RGL1: variants seen among roughly 807,000 people sequenced by gnomAD.
RGL1 encodes ral guanine nucleotide dissociation stimulator-like 1.
RGL1 carries 24 observed loss-of-function variants against 95.2 expected under a neutral mutation model. The ratio of observed to expected loss-of-function variants is 0.25; its 90% CI spans 0.18 to 0.35. RGL1 has a LOEUF of 0.35. RGL1 is among the 10% of genes least tolerant of loss of function. The pLI, the probability that RGL1 is intolerant of heterozygous loss-of-function variation, is 1.00. For synonymous variants in RGL1, 329 were observed against 344.9 expected, an observed-to-expected ratio of 0.95 and a Z score of 0.51; for missense variants, 715 against 936.3, an observed-to-expected ratio of 0.76 and a Z score of 3.08.
chr1:183,777,054 AC>A (rs1460960675), intron 2 of RGL1, among the ~76,000 whole-genome samples: 20 of 152,304 alleles, frequency 1.3e-4, no homozygotes, highest in Non-Finnish European at 5.9e-5. Flanking sequence ...CAACCTAAGG[AC>A]TTTTATAGAT....
In RGL1 at chr1:183,679,477, A is replaced by G. The variant is rs188632696; in HGVS notation, c.-33+42976A>G. On this transcript the variant is annotated intron_variant, in intron 1 of 18. Transcript: ENST00000304685. ...GTTCAACTGTCACTTATGAGTGAGA[A>G]CATGCGGCGTTCAGTTTTCTGTTCC... Among the ~76,000 whole-genome samples the G allele has an allele frequency of 1.3e-3, 193 of 150,012 alleles. 2 individuals carry two copies. In the East Asian group the frequency reaches 0.03, roughly 24 times the overall value.
At chr1:183,722,641 G>A (rs1926826) in intron 1 of RGL1, among the ~76,000 whole-genome samples, 150,899 of 152,330 alleles carry the variant, frequency 0.99, 74,759 homozygotes, top group East Asian at 1. Context: ...CAGAGTTTTC[G>A]GAAACTATGC....
chr1:183,843,269 A>G (rs949680281), intron 2 of RGL1, among the ~76,000 whole-genome samples: 5 of 152,234 alleles, frequency 3.3e-5, no homozygotes, highest in African/African-American at 9.6e-5. Flanking sequence ...TTTTAAATCT[A>G]AATTTTCAAA....
At chr1:183,731,639 T>G (rs1204620583) in intron 1 of RGL1, among the ~76,000 whole-genome samples, 1 of 152,132 alleles carries the variant, frequency 6.6e-6, no homozygotes, top group Non-Finnish European at 1.5e-5. Flanking sequence ...CATGACAAAA[T>G]GAAAATGAAA....
At chr1:183,645,838 AG>A (rs1328584040) in intron 1 of RGL1, among the ~76,000 whole-genome samples, 1 of 152,232 alleles carries the variant, frequency 6.6e-6, no homozygotes, top group East Asian at 1.9e-4. Flanking sequence ...CTTTTGTCTA[AG>A]GTTGGCCTGG....
In RGL1 at chr1:183,647,462, A is replaced by C. The variant is rs901896232; in HGVS notation, c.-33+10961A>C. On this transcript the variant is annotated intron_variant, in intron 1 of 18. Coordinates refer to the RGL1 transcript ENST00000304685. ...TTTTGATACTGCCACTTTCAAAATA[A>C]AGGAGAGAGATCAAGTTGCTTATGG... is the stretch of plus-strand genomic sequence containing the variant. The C allele has an allele frequency of 5.0e-6, 3 of 602,010 alleles. No homozygotes were observed. The African/African-American group carries it at 5.6e-5, about 11-fold the overall frequency. 37.3% of individuals were successfully genotyped at this position (602,010 alleles called of 1,614,324 possible).
At chr1:183,869,979 G>C (rs1284358640) in intron 4 of RGL1, among the ~76,000 whole-genome samples, 1 of 152,172 alleles carries the variant, frequency 6.6e-6, no homozygotes, top group African/African-American at 2.4e-5. Flanking sequence ...CAACTTGGTG[G>C]GGGGAGGCTA....
intron 2 of RGL1, among the ~76,000 whole-genome samples, chr1:183,837,183 C>G (rs750470876): frequency 6.6e-6 from 1 of 151,992 alleles, no homozygotes; most frequent in Non-Finnish European, 1.5e-5. Context: ...GAGATAAAGC[C>G]CCATGGAGCT....
intron 2 of RGL1, among the ~76,000 whole-genome samples, chr1:183,820,775 G>A (rs1002784939): frequency 6.6e-6 from 1 of 152,162 alleles, no homozygotes; most frequent in Non-Finnish European, 1.5e-5. Context: ...GTGATCACAT[G>A]TTAAAATGGT....
intron 2 of RGL1, among the ~76,000 whole-genome samples, chr1:183,847,226 G>T (rs1664502125): frequency 6.6e-6 from 1 of 152,066 alleles, no homozygotes. Context: ...AGGCGAGAGG[G>T]TTGCTTGAAC....
chr1:183,809,831 C>T (rs1042738001), intron 2 of RGL1, among the ~76,000 whole-genome samples: 4 of 152,032 alleles, frequency 2.6e-5, no homozygotes, highest in African/African-American at 4.8e-5. Context: ...GTGGTGTGTG[C>T]CTGTAGTCCC....
At chr1:183,806,875 C>T (rs1661381082) in intron 2 of RGL1, among the ~76,000 whole-genome samples, 1 of 152,114 alleles carries the variant, frequency 6.6e-6, no homozygotes, top group Non-Finnish European at 1.5e-5. Context: ...ATGCTGTCAG[C>T]GTCTGCCTTG....
intron 17 of RGL1, among the ~76,000 whole-genome samples, chr1:183,924,331 C>T (rs1669486770): frequency 6.6e-6 from 1 of 152,114 alleles, no homozygotes; most frequent in Non-Finnish European, 1.5e-5. Context: ...ATGGATGAAG[C>T]TGGAAACCAT....
chr1:183,727,673 G>A (rs1656387733), intron 1 of RGL1, among the ~76,000 whole-genome samples: 1 of 152,092 alleles, frequency 6.6e-6, no homozygotes, highest in Admixed American at 6.6e-5. Flanking sequence ...TTTATTCACA[G>A]ATGACATGAT....
intron 2 of RGL1, among the ~76,000 whole-genome samples, chr1:183,845,992 T>C (rs1461910741): frequency 6.6e-6 from 1 of 152,216 alleles, no homozygotes; most frequent in African/African-American, 2.4e-5. Context: ...TGGCGATTCC[T>C]CAAGGATCTA....
At chr1:183,878,210 T>G (rs1408252360) in intron 4 of RGL1, among the ~76,000 whole-genome samples, 1 of 151,074 alleles carries the variant, frequency 6.6e-6, no homozygotes, top group Non-Finnish European at 1.5e-5. Context: ...CTATCTTTTT[T>G]TTTGGAGATA....
rs184875820 is a variant in RGL1, at chr1:183,762,358, G to A, written c.132+20069G>A. Among the ~76,000 whole-genome samples, 762 of 152,322 alleles carry A rather than the reference G, an allele frequency of 5.0e-3. 7 individuals are homozygous for A. The highest frequency in any genetic ancestry group is 6.8e-3 in the Non-Finnish European group (466 of 68,040). On this transcript the variant is annotated intron_variant, in intron 2 of 18. Transcript: ENST00000304685. ...ATTGGCCTGATTTCAATATTGTCATGTCTCAGGGAATAGAAAGGCATGAGG... is the reference window on the plus strand; with the variant it reads ...ATTGGCCTGATTTCAATATTGTCATATCTCAGGGAATAGAAAGGCATGAGG...
chr1:183,820,490 T>A (rs1662399813), intron 2 of RGL1, among the ~76,000 whole-genome samples: 1 of 152,134 alleles, frequency 6.6e-6, no homozygotes, highest in African/African-American at 2.4e-5. Flanking sequence ...GATAGCACCA[T>A]ATGAGATGAG....
intron 16 of RGL1, among the ~76,000 whole-genome samples, chr1:183,919,099 A>G (rs1196502281): frequency 6.6e-6 from 1 of 152,198 alleles, no homozygotes; most frequent in Admixed American, 6.5e-5. Flanking sequence ...AGATATTTAA[A>G]CTGAGAAACT....
Sources: allele counts gnomAD v4.1 joint callset (sites outside exome capture counted in the v4.1 genomes callset), GRCh38; gene constraint gnomAD v4.1.1; transcripts MANE v1.5; gene names NCBI Gene and HGNC (gene_info 2026-07-23, HGNC 2026-07-21).